USP25: variants seen among roughly 807,000 people sequenced by gnomAD.
USP25 encodes ubiquitin carboxyl-terminal hydrolase 25.
Under a neutral mutation model 158.5 loss-of-function variants are expected in USP25, and 85 were observed. That is an observed-to-expected ratio of 0.54 (90% CI 0.45 to 0.64). The LOEUF (loss-of-function observed/expected upper bound fraction) is 0.64, where lower values mean the gene tolerates loss of function less well. Among genes scored for constraint, USP25 ranks in the 30% least tolerant of loss-of-function variants. The pLI, the probability that USP25 is intolerant of heterozygous loss-of-function variation, is 0.00. For missense variants in USP25, 1,242 were observed against 1,327.3 expected (o/e 0.94, Z 1.00); for synonymous variants, 464 against 460.4 (o/e 1.01, Z -0.10).
chr21:15,847,731 A>G lies in USP25; in HGVS notation c.2406A>G (p.Val802=), dbSNP rs1183563546. The change falls in exon 19 of 26, where the codon GTA becomes GTG. Residue 802 remains valine (V), a synonymous_variant. Transcript: ENST00000400183. ...TTGTAGAGGTGGCGATCCCTCATGT[A>G]GGGAAATTTATGATTGAATCAAAGG... The part of the protein sequence containing the change: ...QRVVEVAIPH[V]GKFMIESKEG... 1 of 1,550,210 alleles carries G rather than the reference A, an allele frequency of 6.5e-7. No homozygotes were observed. The highest frequency in any genetic ancestry group is 2.0e-5 in the Admixed American group (1 of 50,986).
At position 15,811,258 on chromosome 21, in the gene USP25, T is replaced by G. The variant is rs1278577318; in HGVS notation, c.931+48T>G. 2.0e-6 allele frequency: 3 copies of G among 1,481,464 alleles called. No homozygotes were observed. In the South Asian group the frequency reaches 3.6e-5, roughly 18 times the overall value. 91.8% of individuals were successfully genotyped at this position (1,481,464 alleles called of 1,614,324 possible). ...TATTGCAAGTGAAGAGAGATTATTATTCATTCATTCGTCTCGATAGTTACT... is the reference window on the plus strand; with the variant it reads ...TATTGCAAGTGAAGAGAGATTATTAGTCATTCATTCGTCTCGATAGTTACT... On this transcript the variant is annotated intron_variant, in intron 9 of 25. Transcript: ENST00000400183.
intron 5 of USP25, among the ~76,000 whole-genome samples, chr21:15,793,776 G>A (rs1338942702): frequency 6.6e-6 from 1 of 151,562 alleles, no homozygotes; most frequent in Non-Finnish European, 1.5e-5. Flanking sequence ...AATTTGGCTA[G>A]AGATCACCTG....
chr21:15,773,966 T>G (rs918332358), intron 3 of USP25, among the ~76,000 whole-genome samples: 2 of 152,190 alleles, frequency 1.3e-5, no homozygotes, highest in African/African-American at 2.4e-5. Context: ...TCTATTGCAA[T>G]AAGTTGTTTT....
chr21:15,783,317 A>G (rs1172747213), intron 4 of USP25, among the ~76,000 whole-genome samples: 1 of 152,188 alleles, frequency 6.6e-6, no homozygotes, highest in Non-Finnish European at 1.5e-5. Flanking sequence ...GAATAAGTGA[A>G]GAGAGGCATA....
At chr21:15,839,197 T>A (rs2038207832) in intron 17 of USP25, among the ~76,000 whole-genome samples, 1 of 152,130 alleles carries the variant, frequency 6.6e-6, no homozygotes, top group Non-Finnish European at 1.5e-5. Flanking sequence ...CCATTGTGGG[T>A]TTACCTACCG....
At chr21:15,848,213 T>G (rs2038718816) in intron 19 of USP25, among the ~76,000 whole-genome samples, 1 of 152,168 alleles carries the variant, frequency 6.6e-6, no homozygotes, top group Non-Finnish European at 1.5e-5. Context: ...TAATTGATAT[T>G]TTTGCTTCTA....
intron 19 of USP25, 24 bp from the exon 20 acceptor site, chr21:15,849,753 A>T: frequency 1.3e-6 from 2 of 1,492,598 alleles, no homozygotes; most frequent in Non-Finnish European, 1.8e-6. Context: ...ACCTTTTTTT[A>T]ATGTTAACTA....
intron 3 of USP25, among the ~76,000 whole-genome samples, chr21:15,775,111 T>C (rs1164258614): frequency 1.3e-5 from 2 of 152,226 alleles, no homozygotes. Flanking sequence ...TCGCGTCTTA[T>C]GATGTGCTTC....
intron 3 of USP25, among the ~76,000 whole-genome samples, chr21:15,768,907 A>T (rs892780654): frequency 1.3e-5 from 2 of 152,134 alleles, no homozygotes; most frequent in Non-Finnish European, 2.9e-5. Flanking sequence ...TAAGTGATAC[A>T]CTTGGTTGCA....
rs1380222244 is a variant in USP25 at position 15,816,063 on chromosome 21, A to G, written c.932-2635A>G. On this transcript the variant is annotated intron_variant, in intron 9 of 25. Coordinates refer to ENST00000400183, the MANE Select transcript of USP25 (RefSeq NM_001283041.3). The surrounding 1 kb of genome is among the most constrained non-coding windows in gnomAD (Gnocchi z 4.0). The stretch of plus-strand genomic sequence containing the variant: ...CAGCTGTGTCCTGATGTAAATCTCA[A>G]CTTGAATTATATCTCCCAGAGTTCC... Among the ~76,000 whole-genome samples, 1 of 152,178 alleles carries G rather than the reference A, an allele frequency of 6.6e-6. No homozygotes were observed. Among genetic ancestry groups the G allele is most frequent in the Non-Finnish European group, 1.5e-5 (1 of 68,020 alleles).
intron 1 of USP25, among the ~76,000 whole-genome samples, chr21:15,748,981 G>A (rs536182748): frequency 6.6e-6 from 1 of 150,942 alleles, no homozygotes; most frequent in African/African-American, 2.4e-5. Flanking sequence ...TCTTTTTATT[G>A]TAAAACTGTA....
At chr21:15,758,249 T>C (rs1161420841) in intron 1 of USP25, among the ~76,000 whole-genome samples, 1 of 152,164 alleles carries the variant, frequency 6.6e-6, no homozygotes, top group African/African-American at 2.4e-5. Flanking sequence ...ATTAGTCTGT[T>C]CTCACGCTGC....
intron 4 of USP25, among the ~76,000 whole-genome samples, chr21:15,790,414 T>C (rs1454548287): frequency 6.6e-6 from 1 of 152,058 alleles, no homozygotes; most frequent in African/African-American, 2.4e-5. Flanking sequence ...TTAGATTTCC[T>C]TGTATCTAAT....
Position 15,791,575 on chromosome 21 carries a change from C to G in USP25, c.466C>G (p.Arg156Gly), listed in dbSNP as rs373706462. The change falls in exon 5 of 26, where the codon CGA (arginine) becomes GGA (glycine). Residue 156 changes from arginine to glycine, a missense_variant. Arg to Gly is a moderately radical substitution (Grantham distance 125). Transcript: ENST00000400183. The part of the protein sequence containing the change: ...RTPTEVWRDS[R>G]NPYDRKRQDK... ...ACCTACAGAAGTTTGGAGGGATTCT[C>G]GAAACCCTTATGATAGAAAAAGACA... The G allele has an allele frequency of 1.2e-6, 2 of 1,611,628 alleles. No individual in the cohort carries two copies. Among genetic ancestry groups the G allele is most frequent in the Non-Finnish European group, 1.7e-6 (2 of 1,178,416 alleles).
chr21:15,839,776 C>T (rs2038239542), intron 17 of USP25, among the ~76,000 whole-genome samples: 1 of 151,800 alleles, frequency 6.6e-6, no homozygotes, highest in Non-Finnish European at 1.5e-5. Context: ...TGTGAGTAGC[C>T]TGTGTTTCAT....
At chr21:15,860,497 G>T (rs2039378499) in intron 20 of USP25, among the ~76,000 whole-genome samples, 1 of 152,020 alleles carries the variant, frequency 6.6e-6, no homozygotes, top group Non-Finnish European at 1.5e-5. Context: ...TTTGATATCT[G>T]ATATTCCCAT....
intron 4 of USP25, among the ~76,000 whole-genome samples, chr21:15,783,009 A>T (rs940555673): frequency 6.6e-6 from 1 of 152,218 alleles, no homozygotes; most frequent in East Asian, 1.9e-4. Flanking sequence ...CGAAATTAAT[A>T]AATTCATTAG....
chr21:15,765,870 TCA>T (rs1183363616), intron 2 of USP25, 125 bp from the exon 3 acceptor site: 5 of 805,314 alleles, frequency 6.2e-6, no homozygotes, highest in Non-Finnish European at 9.2e-6. Context: ...AAAATTAGAA[TCA>T]CATATAGATT....
At chr21:15,780,964 A>G (rs1412287562) in intron 4 of USP25, among the ~76,000 whole-genome samples, 2 of 152,320 alleles carry the variant, frequency 1.3e-5, no homozygotes, top group Middle Eastern at 3.4e-3. Flanking sequence ...CCATCAAACC[A>G]TTTAAGGTGT....
Sources: allele counts gnomAD v4.1 joint callset (sites outside exome capture counted in the v4.1 genomes callset), GRCh38; gene constraint gnomAD v4.1.1; non-coding constraint Gnocchi (gnomAD v3.1); transcripts MANE v1.5; gene names NCBI Gene and HGNC (gene_info 2026-07-23, HGNC 2026-07-21).